The following CNTNAP2 variants were observed in gnomAD, a reference collection of about 807,000 sequenced individuals.
CNTNAP2 encodes the protein contactin associated protein 2, also known as contactin-associated protein-like 2.
In CNTNAP2, 98 loss-of-function variants were observed where a neutral mutation model predicts 155.2. The ratio of observed to expected loss-of-function variants is 0.63; its 90% CI spans 0.54 to 0.75. The LOEUF is 0.75. Ranked by LOEUF, CNTNAP2 falls within the 30% of genes least tolerant of loss-of-function variation. The pLI is 0.00. For missense variants in CNTNAP2, 1,727 were observed against 1,688.1 expected (o/e 1.02, Z -0.40); for synonymous variants, 651 against 631.2 (o/e 1.03, Z -0.47).
intron 18 of CNTNAP2, among the ~76,000 whole-genome samples, chr7:148,214,125 G>T (rs905673743): frequency 6.6e-6 from 1 of 152,170 alleles, no homozygotes; most frequent in African/African-American, 2.4e-5. Context: ...CCACCCCTGT[G>T]TTCCAGGGGG....
intron 1 of CNTNAP2, among the ~76,000 whole-genome samples, chr7:146,566,589 G>C (rs7800290): frequency 0.82 from 124,383 of 151,926 alleles, 51,567 homozygotes; most frequent in African/African-American, 0.91. Context: ...CCCAGCTACT[G>C]GGGAGGCTGA....
chr7:146,617,067 T>TG (rs1446858517), intron 1 of CNTNAP2, among the ~76,000 whole-genome samples: 3 of 152,196 alleles, frequency 2.0e-5, no homozygotes, highest in African/African-American at 7.2e-5. Flanking sequence ...TCGCCCAGGC[T>TG]GGAGTGCAGT....
At position 146,306,267 on chromosome 7, in the gene CNTNAP2, C is replaced by A. The variant is rs753407972; in HGVS notation, c.97+189294C>A. Among the ~76,000 whole-genome samples the A allele has an allele frequency of 2.1e-4, 32 of 152,172 alleles. 1 individual carries two copies. The highest frequency in any genetic ancestry group is 6.8e-3 in the Middle Eastern group (2 of 294). On this transcript the variant is annotated intron_variant, in intron 1 of 23. Coordinates refer to ENST00000361727, the MANE Select transcript of CNTNAP2 (RefSeq NM_014141.6). ...GAGGCAATAATTAATAGCCTACCAA[C>A]CAAAAACGTCCAGGACCAGATGGAC... is the stretch of plus-strand genomic sequence containing the variant.
intron 2 of CNTNAP2, among the ~76,000 whole-genome samples, chr7:146,814,711 C>T (rs186050182): frequency 2.0e-3 from 306 of 152,146 alleles, no homozygotes; most frequent in Non-Finnish European, 1.6e-3. Flanking sequence ...CTGGATGCTA[C>T]GGGGCATGAG....
At chr7:147,191,983 G>C (rs905631697) in intron 8 of CNTNAP2, among the ~76,000 whole-genome samples, 1 of 152,190 alleles carries the variant, frequency 6.6e-6, no homozygotes, top group South Asian at 2.1e-4. Flanking sequence ...GGAGTGGGGA[G>C]TGTATATTGT....
chr7:147,789,823 C>T (rs1797792474), intron 13 of CNTNAP2, among the ~76,000 whole-genome samples: 2 of 152,134 alleles, frequency 1.3e-5, no homozygotes, highest in Admixed American at 1.3e-4. Flanking sequence ...AGTTCTTCAG[C>T]TTTTGCACTC....
intron 1 of CNTNAP2, among the ~76,000 whole-genome samples, chr7:146,306,021 G>T (rs1800705051): frequency 6.6e-6 from 1 of 152,016 alleles, no homozygotes; most frequent in Admixed American, 6.6e-5. Flanking sequence ...AAGGAGAAAA[G>T]AGAGAAGAAT....
chr7:146,351,620 A>C (rs1794916159), intron 1 of CNTNAP2, among the ~76,000 whole-genome samples: 2 of 152,136 alleles, frequency 1.3e-5, no homozygotes, highest in Admixed American at 6.5e-5. Flanking sequence ...TAATTTTTTT[A>C]CTTTATGTTC....
intron 1 of CNTNAP2, among the ~76,000 whole-genome samples, chr7:146,492,755 T>G (rs573971798): frequency 1.3e-5 from 2 of 152,348 alleles, no homozygotes; most frequent in South Asian, 4.1e-4. Context: ...ATGATATGCA[T>G]ATACAGTAAA....
intron 3 of CNTNAP2, among the ~76,000 whole-genome samples, chr7:147,043,119 A>G (rs1284392283): frequency 6.6e-6 from 1 of 152,078 alleles, no homozygotes; most frequent in African/African-American, 2.4e-5. Context: ...TAATTTTTTG[A>G]GAGTCGAGTC....
chr7:148,199,792 T>G (rs1795338599), intron 18 of CNTNAP2, among the ~76,000 whole-genome samples: 1 of 152,238 alleles, frequency 6.6e-6, no homozygotes. Context: ...AGGGGGTTTC[T>G]TAATGGAAAT....
At chr7:147,870,675 T>G (rs1366673925) in intron 13 of CNTNAP2, among the ~76,000 whole-genome samples, 1 of 152,192 alleles carries the variant, frequency 6.6e-6, no homozygotes, top group Non-Finnish European at 1.5e-5. Flanking sequence ...ATAAATTCTT[T>G]GCATTTTTTT....
intron 12 of CNTNAP2, among the ~76,000 whole-genome samples, chr7:147,565,885 AG>A (rs1800160352): frequency 6.6e-6 from 1 of 152,170 alleles, no homozygotes; most frequent in African/African-American, 2.4e-5. Flanking sequence ...ATTGGGTTAG[AG>A]ATATAAATGT....
chr7:146,939,588 T>C (rs1797003278), intron 3 of CNTNAP2, among the ~76,000 whole-genome samples: 1 of 152,196 alleles, frequency 6.6e-6, no homozygotes, highest in Non-Finnish European at 1.5e-5. Context: ...ACGGTTCCCA[T>C]GAGAAGAAGA....
At chr7:147,327,971 TA>T (rs941700423) in intron 9 of CNTNAP2, among the ~76,000 whole-genome samples, 9 of 149,992 alleles carry the variant, frequency 6.0e-5, no homozygotes, top group East Asian at 2.0e-4. Context: ...ATTAACTGTG[TA>T]AAAAAAAAAT....
chr7:147,585,741 A>G (rs935602138), intron 12 of CNTNAP2, among the ~76,000 whole-genome samples: 18 of 149,428 alleles, frequency 1.2e-4, no homozygotes, highest in African/African-American at 4.3e-4. Context: ...TTACCTCTCT[A>G]AAAGTGTGTG....
At chr7:147,683,864 G>T (rs1795983752) in intron 13 of CNTNAP2, among the ~76,000 whole-genome samples, 1 of 150,764 alleles carries the variant, frequency 6.6e-6, no homozygotes, top group African/African-American at 2.4e-5. Flanking sequence ...AGGGCACTTG[G>T]TGTTGATGCA....
At chr7:147,409,044 A>G (rs1797057674) in intron 10 of CNTNAP2, among the ~76,000 whole-genome samples, 1 of 152,180 alleles carries the variant, frequency 6.6e-6, no homozygotes, top group Non-Finnish European at 1.5e-5. Context: ...AGAGTAAGAA[A>G]AGGCTTTAAT....
Position 147,151,599 on chromosome 7 carries a change from C to T in CNTNAP2, c.1348+19090C>T, listed in dbSNP as rs142089981. Among the ~76,000 whole-genome samples the T allele has an allele frequency of 4.8e-3, 724 of 152,058 alleles. 3 individuals are homozygous for T. The highest frequency in any genetic ancestry group is 0.016 in the African/African-American group (651 of 41,450). On this transcript the variant is annotated intron_variant, in intron 8 of 23. Transcript: ENST00000361727. ...TGGCCTTAAGTTTAGTGTTTCCATTCTTCACTTTCACCTGTGTAAACATAA... is the reference window on the plus strand; with the variant it reads ...TGGCCTTAAGTTTAGTGTTTCCATTTTTCACTTTCACCTGTGTAAACATAA...
Sources: gnomAD v4.1 joint callset for allele counts (sites outside exome capture counted in the v4.1 genomes callset) on GRCh38, gnomAD v4.1.1 for gene constraint, MANE v1.5 for transcripts, NCBI Gene and HGNC (gene_info 2026-07-23, HGNC 2026-07-21) for gene names.